ERBIN: variants seen among roughly 807,000 people sequenced by gnomAD.
ERBIN encodes erbb2 interacting protein.
ERBIN carries 60 observed loss-of-function variants against 158.4 expected under a neutral mutation model. The ratio of observed to expected loss-of-function variants is 0.38; its 90% CI spans 0.31 to 0.47. The LOEUF (loss-of-function observed/expected upper bound fraction) is 0.47, where lower values mean the gene tolerates loss of function less well. Among genes scored for constraint, ERBIN ranks in the 20% least tolerant of loss-of-function variants. The pLI is 0.99. For synonymous variants in ERBIN, 594 were observed against 557.2 expected (o/e 1.07, Z -0.93); for missense variants, 1,610 against 1,648.0 (o/e 0.98, Z 0.40).
chr5:66,011,312 T>C (rs1055201224), intron 4 of ERBIN, among the ~76,000 whole-genome samples: 1 of 149,188 alleles, frequency 6.7e-6, no homozygotes, highest in Admixed American at 6.6e-5. Flanking sequence ...ATGTAGACTG[T>C]CTTCCTCTTC....
intron 1 of ERBIN, among the ~76,000 whole-genome samples, chr5:65,943,177 C>T (rs1414529602): frequency 6.6e-6 from 1 of 152,070 alleles, no homozygotes; most frequent in Non-Finnish European, 1.5e-5. Context: ...CTGATTGTTG[C>T]TGATAATGGC....
chr5:66,061,830 T>A (rs1361193676), intron 21 of ERBIN, among the ~76,000 whole-genome samples: 2 of 152,224 alleles, frequency 1.3e-5, no homozygotes, highest in Non-Finnish European at 2.9e-5. Context: ...TATGAAATTC[T>A]GGGTTGAAAA....
chr5:66,066,493 C>T (rs6877563), intron 21 of ERBIN, among the ~76,000 whole-genome samples: 8,622 of 150,288 alleles, frequency 0.057, 859 homozygotes, highest in African/African-American at 0.2. Flanking sequence ...TTTTAATAGT[C>T]ACCCCTCTTA....
chr5:65,945,118 TGG>T (rs1452246837), intron 1 of ERBIN, among the ~76,000 whole-genome samples: 4 of 152,188 alleles, frequency 2.6e-5, no homozygotes, highest in African/African-American at 9.7e-5. Context: ...AGTTTAGGAG[TGG>T]AAGAATCGTG....
chr5:66,066,866 G>A (rs1332044093), intron 21 of ERBIN, among the ~76,000 whole-genome samples: 3 of 152,194 alleles, frequency 2.0e-5, no homozygotes, highest in African/African-American at 7.2e-5. Flanking sequence ...GCAGTTTTAC[G>A]TGGATGTCTG....
intron 4 of ERBIN, among the ~76,000 whole-genome samples, chr5:65,995,240 C>G (rs1238039760): frequency 6.6e-6 from 1 of 152,092 alleles, no homozygotes; most frequent in Non-Finnish European, 1.5e-5. Flanking sequence ...TCCTGTCAAA[C>G]TGAAATCTTA....
chr5:65,938,585 C>T (rs556017939), intron 1 of ERBIN, among the ~76,000 whole-genome samples: 53 of 152,144 alleles, frequency 3.5e-4, no homozygotes, highest in African/African-American at 1.3e-3. Context: ...CGGAGTCTTC[C>T]TCTGTCACCC....
At chr5:66,029,512 G>T (rs191773037) in intron 14 of ERBIN, among the ~76,000 whole-genome samples, 1 of 152,046 alleles carries the variant, frequency 6.6e-6, no homozygotes, top group East Asian at 1.9e-4. Flanking sequence ...AAAGAAACCC[G>T]CAAGGATTCT....
Position 66,026,337 on chromosome 5 carries a change from C to A in ERBIN, c.1056C>A (p.Leu352=). The change falls in exon 13 of 26, where the codon CTC becomes CTA. Residue 352 remains leucine (L), a synonymous_variant. Transcript: ENST00000284037. ...GGAAAAATATAACTGTGCTGTTTCT[C>A]CATTCCAATAAACTTGAGACACTTC... The part of the protein sequence containing the change: ...GSWKNITVLF[L]HSNKLETLPE... 6.3e-7 allele frequency: 1 copy of A among 1,593,858 alleles called. No individual in the cohort carries two copies. The highest frequency in any genetic ancestry group is 1.1e-5 in the South Asian group (1 of 87,798).
intron 14 of ERBIN, among the ~76,000 whole-genome samples, chr5:66,030,803 T>C (rs952088636): frequency 6.6e-6 from 1 of 152,008 alleles, no homozygotes; most frequent in African/African-American, 2.4e-5. Context: ...ACTCCTGGAC[T>C]CAAGCCATCC....
chr5:65,984,167 C>T (rs901204362), intron 1 of ERBIN, among the ~76,000 whole-genome samples: 8 of 152,184 alleles, frequency 5.3e-5, no homozygotes, highest in East Asian at 1.9e-4. Context: ...CATGTCTCTT[C>T]GGGCCCCCTC....
At chr5:65,928,225 G>T (rs771870425) in intron 1 of ERBIN, among the ~76,000 whole-genome samples, 2 of 151,348 alleles carry the variant, frequency 1.3e-5, no homozygotes, top group African/African-American at 4.9e-5. Context: ...TTTCCTCCCC[G>T]GGGCATGGTC....
At chr5:65,964,968 TTA>T (rs1309967277) in intron 1 of ERBIN, among the ~76,000 whole-genome samples, 3 of 134,890 alleles carry the variant, frequency 2.2e-5, no homozygotes, top group African/African-American at 6.8e-5. Flanking sequence ...TTTTTTTTTT[TTA>T]AGTAGAGATG....
At chr5:65,937,225 T>C (rs1744193592) in intron 1 of ERBIN, among the ~76,000 whole-genome samples, 1 of 152,240 alleles carries the variant, frequency 6.6e-6, no homozygotes, top group African/African-American at 2.4e-5. Context: ...ATCAAATTTG[T>C]CAGTCTCTTT....
intron 1 of ERBIN, among the ~76,000 whole-genome samples, chr5:65,962,159 CAA>C (rs1052309580): frequency 6.6e-6 from 1 of 152,048 alleles, no homozygotes; most frequent in Non-Finnish European, 1.5e-5. Flanking sequence ...TAAAGAGAAT[CAA>C]GAGTGAGTGC....
At chr5:65,963,958 C>A (rs974488259) in intron 1 of ERBIN, among the ~76,000 whole-genome samples, 3 of 151,948 alleles carry the variant, frequency 2.0e-5, no homozygotes, top group Non-Finnish European at 2.9e-5. Flanking sequence ...TGCCACCATG[C>A]TTGGCTAATT....
At chr5:65,954,926 A>G (rs1258825711) in intron 1 of ERBIN, among the ~76,000 whole-genome samples, 1 of 151,992 alleles carries the variant, frequency 6.6e-6, no homozygotes, top group Non-Finnish European at 1.5e-5. Flanking sequence ...TTAGCCGGGC[A>G]TGGTGGTGGG....
intron 1 of ERBIN, among the ~76,000 whole-genome samples, chr5:65,935,388 T>G (rs2150852725): frequency 6.6e-6 from 1 of 152,314 alleles, no homozygotes; most frequent in Non-Finnish European, 1.5e-5. Flanking sequence ...AACTTATCTC[T>G]AACAGTGAGA....
chr5:65,946,787 CTTTT>C (rs918837936), intron 1 of ERBIN, among the ~76,000 whole-genome samples: 3 of 134,456 alleles, frequency 2.2e-5, no homozygotes, highest in Non-Finnish European at 4.9e-5. Context: ...TTGGTTGTTA[CTTTT>C]TTTTTTTTTT....
Sources: allele counts gnomAD v4.1 joint callset (sites outside exome capture counted in the v4.1 genomes callset), GRCh38; gene constraint gnomAD v4.1.1; transcripts MANE v1.5; gene names NCBI Gene and HGNC (gene_info 2026-07-23, HGNC 2026-07-21).